DLGAP1: variants seen among roughly 807,000 people sequenced by gnomAD.
The protein encoded by DLGAP1 is DLG associated protein 1.
A neutral mutation model predicts 90.8 loss-of-function variants in DLGAP1; 11 were observed. That is an observed-to-expected ratio of 0.12 (90% CI 0.08 to 0.20). The LOEUF is 0.20. Among genes scored for constraint, DLGAP1 ranks in the 10% least tolerant of loss-of-function variants. The pLI is 1.00. For missense variants in DLGAP1, 1,050 were observed against 1,333.8 expected (o/e 0.79, Z 3.31); for synonymous variants, 558 against 540.7 (o/e 1.03, Z -0.44).
At chr18:3,647,610 T>G (rs1238368979) in intron 7 of DLGAP1, among the ~76,000 whole-genome samples, 1 of 151,916 alleles carries the variant, frequency 6.6e-6, no homozygotes, top group Non-Finnish European at 1.5e-5. Flanking sequence ...GGACTACAGG[T>G]GTGTGCCACC....
At chr18:3,761,242 G>A (rs887955351) in intron 5 of DLGAP1, among the ~76,000 whole-genome samples, 20 of 151,970 alleles carry the variant, frequency 1.3e-4, no homozygotes, top group Non-Finnish European at 2.5e-4. Context: ...CGAACTCCCC[G>A]TTTCCCTCCC....
chr18:3,700,272 C>A (rs994123891), intron 7 of DLGAP1, among the ~76,000 whole-genome samples: 3 of 152,194 alleles, frequency 2.0e-5, no homozygotes, highest in African/African-American at 7.2e-5. Flanking sequence ...AAGGGAATCT[C>A]CTGGTTTGCG....
intron 1 of DLGAP1, among the ~76,000 whole-genome samples, chr18:4,281,772 A>ATAAGTGTGT (rs1377048404): frequency 6.6e-6 from 1 of 152,204 alleles, no homozygotes; most frequent in Non-Finnish European, 1.5e-5. Context: ...TTGTATAAAC[A>ATAAGTGTGT]GTCACTTATA....
At chr18:3,888,699 G>A (rs1026355337) in intron 3 of DLGAP1, among the ~76,000 whole-genome samples, 3 of 152,202 alleles carry the variant, frequency 2.0e-5, no homozygotes, top group Admixed American at 2.0e-4. Flanking sequence ...GTGGAAGGTA[G>A]TGTTCTTTGA....
chr18:4,249,017 A>C (rs553765760), intron 1 of DLGAP1, among the ~76,000 whole-genome samples: 2 of 152,142 alleles, frequency 1.3e-5, no homozygotes, highest in Non-Finnish European at 2.9e-5. Flanking sequence ...GCATCTATTT[A>C]TGTCTCTATG....
chr18:3,514,224 A>C (rs964934081), intron 10 of DLGAP1, among the ~76,000 whole-genome samples: 4 of 151,676 alleles, frequency 2.6e-5, no homozygotes, highest in Non-Finnish European at 5.9e-5. Context: ...CTCCTGCCTC[A>C]GCCTCCCGAG....
At chr18:4,203,421 G>A (rs528841945) in intron 1 of DLGAP1, among the ~76,000 whole-genome samples, 3 of 152,122 alleles carry the variant, frequency 2.0e-5, no homozygotes, top group East Asian at 1.9e-4. Context: ...TTTTAAGAAC[G>A]GGTAGAATCG....
chr18:3,726,680 A>G (rs1021336746), intron 7 of DLGAP1, among the ~76,000 whole-genome samples: 2 of 152,258 alleles, frequency 1.3e-5, no homozygotes, highest in Non-Finnish European at 2.9e-5. Flanking sequence ...ACACCTGTAA[A>G]GATGATACAT....
At chr18:4,078,958 T>C (rs568277197) in intron 2 of DLGAP1, among the ~76,000 whole-genome samples, 1 of 152,260 alleles carries the variant, frequency 6.6e-6, no homozygotes, top group African/African-American at 2.4e-5. Context: ...TTCCCAAACT[T>C]TGACTGTTTT....
intron 3 of DLGAP1, among the ~76,000 whole-genome samples, chr18:3,962,994 T>A (rs1293187214): frequency 6.6e-6 from 1 of 152,228 alleles, no homozygotes; most frequent in Non-Finnish European, 1.5e-5. Context: ...TTCATGCTCA[T>A]GTTGAAGGAC....
intron 1 of DLGAP1, among the ~76,000 whole-genome samples, chr18:4,356,259 G>C (rs530719782): frequency 1.3e-5 from 2 of 151,428 alleles, no homozygotes; most frequent in Admixed American, 1.3e-4. Context: ...AACTCATCCC[G>C]ACCCCTAGGC....
intron 4 of DLGAP1, among the ~76,000 whole-genome samples, chr18:3,843,656 CA>C (rs1432336470): frequency 6.6e-6 from 1 of 152,162 alleles, no homozygotes; most frequent in African/African-American, 2.4e-5. Flanking sequence ...AAGAAGAAAA[CA>C]AAATGAACAC....
At chr18:4,324,064 G>T (rs186801272) in intron 1 of DLGAP1, among the ~76,000 whole-genome samples, 7 of 151,614 alleles carry the variant, frequency 4.6e-5, no homozygotes, top group Non-Finnish European at 2.9e-5. Flanking sequence ...CCATACAAAA[G>T]ATCAATGAAT....
At chr18:3,656,934 A>G (rs1049030122) in intron 7 of DLGAP1, among the ~76,000 whole-genome samples, 4 of 151,896 alleles carry the variant, frequency 2.6e-5, no homozygotes, top group Admixed American at 6.6e-5. Context: ...TTTTAGTAGA[A>G]ACATGGTTTC....
intron 5 of DLGAP1, among the ~76,000 whole-genome samples, chr18:3,765,103 T>C (rs1446509651): frequency 6.7e-6 from 1 of 150,286 alleles, no homozygotes; most frequent in African/African-American, 2.5e-5. Flanking sequence ...AGAATCTCCA[T>C]GCACACTTGC....
intron 1 of DLGAP1, among the ~76,000 whole-genome samples, chr18:4,274,940 G>T (rs2079376760): frequency 6.6e-6 from 1 of 152,100 alleles, no homozygotes; most frequent in Non-Finnish European, 1.5e-5. Context: ...AAATTGGTAA[G>T]ATGCTACTAA....
chr18:4,127,077 A>T (rs2076243837), intron 2 of DLGAP1, among the ~76,000 whole-genome samples: 1 of 152,140 alleles, frequency 6.6e-6, no homozygotes, highest in African/African-American at 2.4e-5. Flanking sequence ...TCAGTTGAAA[A>T]TTTCCAAGAA....
intron 1 of DLGAP1, among the ~76,000 whole-genome samples, chr18:4,221,732 C>T (rs2078081672): frequency 6.6e-6 from 1 of 152,134 alleles, no homozygotes; most frequent in South Asian, 2.1e-4. Flanking sequence ...TCATACTTTA[C>T]TCTATGTTGA....
chr18:3,928,635 C>T (rs959158590), intron 3 of DLGAP1, among the ~76,000 whole-genome samples: 9 of 152,024 alleles, frequency 5.9e-5, no homozygotes, highest in African/African-American at 1.7e-4. Context: ...AATCACCCCC[C>T]AATTTATAGA....
Sources: allele counts gnomAD v4.1 joint callset (sites outside exome capture counted in the v4.1 genomes callset), GRCh38; gene constraint gnomAD v4.1.1; transcripts MANE v1.5; gene names NCBI Gene and HGNC (gene_info 2026-07-23, HGNC 2026-07-21).